PCDH15: variants seen among roughly 807,000 people sequenced by gnomAD.
PCDH15 encodes protocadherin related 15, also known as protocadherin-15.
PCDH15 carries 129 observed loss-of-function variants against 178.5 expected under a neutral mutation model. That is an observed-to-expected ratio of 0.72 (90% CI 0.63 to 0.84). The LOEUF is 0.84. Among genes scored for constraint, PCDH15 ranks in the 40% least tolerant of loss-of-function variants. The probability of loss-of-function intolerance (pLI) is 0.00; values close to 1 mark genes in which losing one functional copy is unlikely to be tolerated. For missense variants in PCDH15, 2,230 were observed against 2,099.9 expected, an observed-to-expected ratio of 1.06 and a Z score of -1.21; for synonymous variants, 800 against 732.0, an observed-to-expected ratio of 1.09 and a Z score of -1.50.
chr10:55,007,126 C>T (rs1039229995), intron 2 of PCDH15, among the ~76,000 whole-genome samples: 2 of 152,112 alleles, frequency 1.3e-5, no homozygotes, highest in African/African-American at 4.8e-5. Context: ...CCTCAGGACT[C>T]CCCAGAAGCA....
At chr10:54,155,149 A>G (rs746222270) in intron 13 of PCDH15, among the ~76,000 whole-genome samples, 1 of 152,248 alleles carries the variant, frequency 6.6e-6, no homozygotes, top group Non-Finnish European at 1.5e-5. Context: ...ATGGCAATGC[A>G]TCAAGTTAAG....
chr10:54,160,795 C>T (rs1479189723), intron 13 of PCDH15, among the ~76,000 whole-genome samples: 1 of 152,020 alleles, frequency 6.6e-6, no homozygotes, highest in Non-Finnish European at 1.5e-5. Flanking sequence ...CTAATAAGCA[C>T]ATGGAAGTAT....
At chr10:54,082,364 G>T (rs570363082) in intron 16 of PCDH15, among the ~76,000 whole-genome samples, 12 of 152,222 alleles carry the variant, frequency 7.9e-5, no homozygotes, top group South Asian at 4.1e-4. Context: ...TAGTTTCATG[G>T]AAAATTCAGG....
intron 2 of PCDH15, among the ~76,000 whole-genome samples, chr10:54,656,666 G>A (rs1309172870): frequency 6.6e-6 from 1 of 152,070 alleles, no homozygotes; most frequent in Non-Finnish European, 1.5e-5. Flanking sequence ...CACAATCAAA[G>A]GGAAACAGAG....
chr10:55,031,689 T>G (rs1302397790), intron 2 of PCDH15, among the ~76,000 whole-genome samples: 1 of 152,176 alleles, frequency 6.6e-6, no homozygotes, highest in Non-Finnish European at 1.5e-5. Context: ...ATTGTGACTG[T>G]GCCCTTATAA....
At chr10:54,987,902 ATTGC>A (rs1305119051) in intron 2 of PCDH15, among the ~76,000 whole-genome samples, 1 of 151,940 alleles carries the variant, frequency 6.6e-6, no homozygotes, top group Non-Finnish European at 1.5e-5. Flanking sequence ...TTTTGTTGCA[ATTGC>A]TTTTGGCATT....
intron 2 of PCDH15, among the ~76,000 whole-genome samples, chr10:54,974,102 G>GAC (rs367787221): frequency 1.2e-3 from 162 of 139,554 alleles, no homozygotes; most frequent in African/African-American, 3.5e-3. Flanking sequence ...CACACATACA[G>GAC]ACACACACAC....
chr10:55,230,135 G>A (rs981093565), intron 1 of PCDH15, among the ~76,000 whole-genome samples: 2 of 151,982 alleles, frequency 1.3e-5, no homozygotes, highest in African/African-American at 2.4e-5. Context: ...CAAATAAAGT[G>A]TATGAGAACA....
At chr10:54,645,736 G>T (rs2094116941) in intron 2 of PCDH15, among the ~76,000 whole-genome samples, 1 of 152,020 alleles carries the variant, frequency 6.6e-6, no homozygotes, top group African/African-American at 2.4e-5. Context: ...TTTAGACAAA[G>T]AAAACATTAA....
chr10:55,138,557 G>A lies in PCDH15; in HGVS notation c.-80+28019C>T, dbSNP rs114618788. ...CCTGCCAGTTCAGCATCCTTCATTC[G>A]GGAGTCAATCTCAGAGGCCAAATTA... is the stretch of plus-strand genomic sequence containing the variant. On this transcript the variant is annotated intron_variant, in intron 2 of 5. Coordinates refer to the PCDH15 transcript ENST00000458638. Among the ~76,000 whole-genome samples the A allele has an allele frequency of 5.5e-3, 842 of 152,152 alleles. 5 individuals carry two copies. Among genetic ancestry groups the A allele is most frequent in the African/African-American group, 0.019 (788 of 41,516 alleles).
intron 23 of PCDH15, among the ~76,000 whole-genome samples, chr10:53,956,992 G>A (rs577253699): frequency 3.9e-5 from 6 of 152,244 alleles, no homozygotes; most frequent in Admixed American, 3.9e-4. Flanking sequence ...AAAGTTAAAT[G>A]AGCAATGCCC....
intron 1 of PCDH15, among the ~76,000 whole-genome samples, chr10:55,256,678 G>A (rs920109100): frequency 6.6e-6 from 1 of 152,312 alleles, no homozygotes; most frequent in Non-Finnish European, 1.5e-5. Flanking sequence ...GGCTGGGGGA[G>A]GGGCGCCCGC....
intron 21 of PCDH15, among the ~76,000 whole-genome samples, chr10:53,983,874 C>T (rs1036504642): frequency 6.6e-6 from 1 of 151,986 alleles, no homozygotes; most frequent in Non-Finnish European, 1.5e-5. Flanking sequence ...TCACAATCTA[C>T]AAGATTAAGC....
intron 26 of PCDH15, among the ~76,000 whole-genome samples, chr10:53,889,135 T>A (rs11003913): frequency 0.088 from 13,330 of 151,682 alleles, 1,674 homozygotes; most frequent in African/African-American, 0.28. Context: ...GGAAATAAAC[T>A]TAAAAAAGTC....
chr10:55,053,706 A>T, intron 2 of PCDH15, among the ~76,000 whole-genome samples: 1 of 152,156 alleles, frequency 6.6e-6, no homozygotes, highest in East Asian at 1.9e-4. Context: ...TTTATGTGCA[A>T]GTACAGGTCA....
intron 3 of PCDH15, among the ~76,000 whole-genome samples, chr10:54,430,953 C>A (rs1443304200): frequency 6.6e-6 from 1 of 152,010 alleles, no homozygotes; most frequent in Non-Finnish European, 1.5e-5. Flanking sequence ...CACAGAAATT[C>A]AAAGGATAAC....
chr10:55,536,902 C>G (rs955270185), intron 2 of PCDH15, among the ~76,000 whole-genome samples: 11 of 152,164 alleles, frequency 7.2e-5, no homozygotes, highest in Non-Finnish European at 1.3e-4. Flanking sequence ...CAGACATGAG[C>G]CATTGTTGAC....
At chr10:54,299,275 G>A (rs1226719151) in intron 8 of PCDH15, among the ~76,000 whole-genome samples, 1 of 151,950 alleles carries the variant, frequency 6.6e-6, no homozygotes, top group Non-Finnish European at 1.5e-5. Context: ...CAGAGAGACA[G>A]AGAGTCAAAG....
chr10:55,355,972 G>C (rs1055658373), intron 2 of PCDH15, among the ~76,000 whole-genome samples: 1 of 151,692 alleles, frequency 6.6e-6, no homozygotes, highest in Admixed American at 6.6e-5. Context: ...CTACTTTATC[G>C]AACATCACAG....
Sources: gnomAD v4.1 joint callset for allele counts (sites outside exome capture counted in the v4.1 genomes callset) on GRCh38, gnomAD v4.1.1 for gene constraint, MANE v1.5 for transcripts, NCBI Gene and HGNC (gene_info 2026-07-23, HGNC 2026-07-21) for gene names.